LRCH1: variants seen among roughly 807,000 people sequenced by gnomAD.
LRCH1 encodes leucine-rich repeat and calponin homology domain-containing protein 1.
Under a neutral mutation model 94.9 loss-of-function variants are expected in LRCH1, and 23 were observed. That is an observed-to-expected ratio of 0.24 (90% confidence interval 0.17 to 0.34). The LOEUF is 0.34. Among genes scored for constraint, LRCH1 ranks in the 10% least tolerant of loss-of-function variants. LRCH1 has a pLI of 1.00. For synonymous variants in LRCH1, 364 were observed against 354.9 expected (o/e 1.03, Z -0.29); for missense variants, 790 against 945.9 (o/e 0.84, Z 2.16).
intron 1 of LRCH1, among the ~76,000 whole-genome samples, chr13:46,622,875 A>G (rs961943818): frequency 6.6e-6 from 1 of 152,144 alleles, no homozygotes; most frequent in African/African-American, 2.4e-5. Flanking sequence ...CAGCTTCTTT[A>G]AAGAGTTTGA....
rs192705120 is a variant in LRCH1 at position 46,677,528 on chromosome 13, G to A, written c.580-4213G>A. On this transcript the variant is annotated intron_variant, in intron 3 of 19. Transcript: ENST00000389797. Reference sequence around the variant, plus strand: ...TTAATAATCCCTGAATTTATTCTCCGAATTTAAATCCTTGTTATTTTTGCA... The same window carrying A: ...TTAATAATCCCTGAATTTATTCTCCAAATTTAAATCCTTGTTATTTTTGCA... 3.3e-3 allele frequency among the ~76,000 whole-genome samples: 509 copies of A among 152,232 alleles called. 12 individuals carry two copies. Among genetic ancestry groups the A allele is most frequent in the Admixed American group, 0.031 (477 of 15,286 alleles).
At chr13:46,555,107 G>A (rs2050049499) in intron 1 of LRCH1, among the ~76,000 whole-genome samples, 1 of 152,170 alleles carries the variant, frequency 6.6e-6, no homozygotes, top group Non-Finnish European at 1.5e-5. Context: ...TTGGATTTAG[G>A]GATAGTCAGG....
At chr13:46,733,883 T>G in intron 18 of LRCH1, 38 bp from the exon 19 acceptor site, 1 of 1,283,158 alleles carries the variant, frequency 7.8e-7, no homozygotes, top group East Asian at 2.5e-5. Flanking sequence ...GGTTTCTCTT[T>G]TAAATAATAT....
At chr13:46,580,379 G>A (rs562540587) in intron 1 of LRCH1, among the ~76,000 whole-genome samples, 15 of 152,282 alleles carry the variant, frequency 9.9e-5, no homozygotes, top group South Asian at 2.1e-4. Flanking sequence ...ATGAGGGAAT[G>A]AAATTATCCA....
chr13:46,664,051 G>T (rs552325144), intron 2 of LRCH1, among the ~76,000 whole-genome samples: 3 of 152,262 alleles, frequency 2.0e-5, no homozygotes, highest in Admixed American at 6.5e-5. Context: ...TTGTAGTCTT[G>T]GTTATCCAGA....
chr13:46,661,217 C>A (rs181289851), intron 2 of LRCH1, among the ~76,000 whole-genome samples: 1 of 152,056 alleles, frequency 6.6e-6, no homozygotes, highest in Admixed American at 6.5e-5. Context: ...CTGACCCACC[C>A]GGTTTCAAAC....
chr13:46,707,908 G>A (rs1212766975), intron 13 of LRCH1, among the ~76,000 whole-genome samples: 1 of 152,170 alleles, frequency 6.6e-6, no homozygotes, highest in Admixed American at 6.5e-5. Flanking sequence ...TCTAGGTAAA[G>A]GTATAAGTGA....
At position 46,615,536 on chromosome 13, in the gene LRCH1, A is replaced by T. The variant is rs554429469; in HGVS notation, c.308-34665A>T. Among the ~76,000 whole-genome samples the T allele has an allele frequency of 2.0e-5, 3 of 152,238 alleles. No individual in the cohort carries two copies. In the South Asian group the frequency reaches 6.2e-4, roughly 32 times the overall value. ...GGAAAAAACCTCCAAACCTCATCAC[A>T]TGGTTAAGTGGCATAAGATGCAACT... On this transcript the variant is annotated intron_variant, in intron 1 of 19. Transcript: ENST00000389797.
At chr13:46,728,206 C>T (rs564152354) in intron 17 of LRCH1, among the ~76,000 whole-genome samples, 5 of 150,412 alleles carry the variant, frequency 3.3e-5, no homozygotes, top group Admixed American at 1.3e-4. Flanking sequence ...TGTGAGCCAC[C>T]ACTCCTGGCC....
At chr13:46,745,656 A>G (rs968641212), downstream of LRCH1, among the ~76,000 whole-genome samples, 1 of 152,214 alleles carries the variant, frequency 6.6e-6, no homozygotes, top group Non-Finnish European at 1.5e-5. Flanking sequence ...CATTGAAGAA[A>G]CTGATGCAGG....
intron 1 of LRCH1, among the ~76,000 whole-genome samples, chr13:46,574,694 C>G (rs951327191): frequency 1.3e-4 from 20 of 152,096 alleles, no homozygotes; most frequent in African/African-American, 4.6e-4. Flanking sequence ...TATTCTAAAA[C>G]TTGTAAAAGG....
At chr13:46,647,112 CAAA>C (rs61648661) in intron 1 of LRCH1, among the ~76,000 whole-genome samples, 6 of 84,442 alleles carry the variant, frequency 7.1e-5, no homozygotes, top group Admixed American at 2.3e-4. Flanking sequence ...GACTCCAACT[CAAA>C]AAAAAAAAAA....
At chr13:46,719,217 G>A (rs1177932219) in intron 16 of LRCH1, among the ~76,000 whole-genome samples, 1 of 152,196 alleles carries the variant, frequency 6.6e-6, no homozygotes, top group Non-Finnish European at 1.5e-5. Flanking sequence ...AAACTCAGGC[G>A]ACTGATCATC....
At chr13:46,565,851 T>TAATAATAATAAC (rs1555268345) in intron 1 of LRCH1, among the ~76,000 whole-genome samples, 3 of 148,040 alleles carry the variant, frequency 2.0e-5, no homozygotes, top group Admixed American at 2.0e-4. Flanking sequence ...ATAATAATAA[T>TAATAATAATAAC]GACAACAATA....
chr13:46,735,301 A>C (rs1189627208), intron 19 of LRCH1, among the ~76,000 whole-genome samples: 1 of 152,198 alleles, frequency 6.6e-6, no homozygotes, highest in East Asian at 1.9e-4. Context: ...ACCTTTTCTA[A>C]TGATTTGATT....
chr13:46,579,337 C>T (rs1006542133), intron 1 of LRCH1, among the ~76,000 whole-genome samples: 2 of 152,002 alleles, frequency 1.3e-5, no homozygotes, highest in Non-Finnish European at 1.5e-5. Flanking sequence ...AGATATTAGT[C>T]GTTATGAAAA....
At chr13:46,707,130 G>GT (rs371889350) in intron 13 of LRCH1, among the ~76,000 whole-genome samples, 11 of 152,224 alleles carry the variant, frequency 7.2e-5, no homozygotes, top group Admixed American at 4.6e-4. Context: ...TCCTTTCAGT[G>GT]TAAGATCCAG....
chr13:46,640,589 C>T (rs1409879232), intron 1 of LRCH1, among the ~76,000 whole-genome samples: 1 of 152,138 alleles, frequency 6.6e-6, no homozygotes, highest in Non-Finnish European at 1.5e-5. Flanking sequence ...CTGGTCAGAG[C>T]TCACTTACTT....
intron 19 of LRCH1, among the ~76,000 whole-genome samples, chr13:46,740,718 T>C (rs916533069): frequency 1.3e-5 from 2 of 152,242 alleles, no homozygotes; most frequent in Non-Finnish European, 2.9e-5. Context: ...TTATAATTCC[T>C]GTTAATTTTA....
Sources: allele counts gnomAD v4.1 joint callset (sites outside exome capture counted in the v4.1 genomes callset), GRCh38; gene constraint gnomAD v4.1.1; transcripts MANE v1.5; gene names NCBI Gene and HGNC (gene_info 2026-07-23, HGNC 2026-07-21).